Variants in RNF7 observed in about 807,000 individuals in gnomAD.
RNF7 encodes RING-box protein 2.
A neutral mutation model predicts 17.0 loss-of-function variants in RNF7; 9 were observed. The ratio of observed to expected loss-of-function variants is 0.53; its 90% CI spans 0.32 to 0.92. The LOEUF (loss-of-function observed/expected upper bound fraction) is 0.92, where lower values mean the gene tolerates loss of function less well. Ranked by LOEUF, RNF7 falls within the 40% of genes least tolerant of loss-of-function variation. The pLI is 0.04. For missense variants in RNF7, 87 were observed against 145.8 expected (o/e 0.60, Z 2.08); for synonymous variants, 59 against 50.5 (o/e 1.17, Z -0.72).
intron 1 of RNF7, among the ~76,000 whole-genome samples, chr3:141,740,433 G>A (rs2084404911): frequency 6.6e-6 from 1 of 152,122 alleles, no homozygotes; most frequent in African/African-American, 2.4e-5. Context: ...TTTAATGTAG[G>A]TCAAAGTATA....
At chr3:141,742,738 C>T (rs768758643) in intron 1 of RNF7, 4 of 1,280,092 alleles carry the variant, frequency 3.1e-6, no homozygotes, top group South Asian at 2.5e-5. Flanking sequence ...CCACAGCCCT[C>T]GCTGTCCCCT....
chr3:141,746,832 C>G lies in RNF7; in HGVS notation c.*1555C>G, dbSNP rs1004542756. 9 of 152,184 alleles carry G rather than the reference C, an allele frequency of 5.9e-5. No homozygotes were observed. The highest frequency in any genetic ancestry group is 1.3e-4 in the Non-Finnish European group (9 of 68,034). The allele number at this position is 152,184 out of a possible 1,614,324, so 9.4% of individuals were successfully genotyped here. ...GGGTTACTTTTTATTGATCACATTT[C>G]TCTGGAAATTTTTCTTTATATTTTT... On this transcript the variant is annotated 3_prime_UTR_variant, in exon 3 of 3. Transcript: ENST00000273480.
intron 1 of RNF7, chr3:141,742,839 C>G (rs1370966948): frequency 8.6e-7 from 1 of 1,165,674 alleles, no homozygotes; most frequent in East Asian, 7.4e-5. Flanking sequence ...TAGAGGAACT[C>G]TCAAGTGTCT....
chr3:141,742,781 GA>G, intron 1 of RNF7: 2 of 1,271,040 alleles, frequency 1.6e-6, no homozygotes, highest in Non-Finnish European at 2.0e-6. Flanking sequence ...GCCTTGTCTG[GA>G]TGACCATCGG....
Position 141,744,452 on chromosome 3 carries a change from C to T in RNF7, c.224-707C>T, listed in dbSNP as rs181007565. Among the ~76,000 whole-genome samples, 25 of 152,058 alleles carry T rather than the reference C, an allele frequency of 1.6e-4. 1 individual carries two copies. In the East Asian group the frequency reaches 4.6e-3, roughly 28 times the overall value. ...GCAAGGGACAGATGAATCCCAAATT[C>T]GAGATTGCATTCTAGATTGTGGATG... On this transcript the variant is annotated intron_variant, in intron 2 of 2. Transcript: ENST00000273480.
Position 141,738,301 on chromosome 3 carries a change from C to A in RNF7, c.-41C>A. ...CAGAGCCGCCCTAGCCTTCCGCCTTCCCCAAGCCAACGTCTCCGCCGTCGG... is the reference window on the plus strand; with the variant it reads ...CAGAGCCGCCCTAGCCTTCCGCCTTACCCAAGCCAACGTCTCCGCCGTCGG... On this transcript the variant is annotated 5_prime_UTR_variant, in exon 1 of 3. Coordinates refer to ENST00000273480, the MANE Select transcript of RNF7 (RefSeq NM_014245.5). The A allele has an allele frequency of 1.4e-6, 2 of 1,474,806 alleles. No homozygotes were observed. The highest frequency in any genetic ancestry group is 1.8e-6 in the Non-Finnish European group (2 of 1,102,366). The allele number at this position is 1,474,806 out of a possible 1,614,324, so 91.4% of individuals were successfully genotyped here.
chr3:141,742,629 G>T (rs1051304627), intron 1 of RNF7: 1 of 1,176,666 alleles, frequency 8.5e-7, no homozygotes, highest in African/African-American at 1.6e-5. Flanking sequence ...TCACAGTATT[G>T]TCCCTTTTTT....
Position 141,745,338 on chromosome 3 carries a change from T to C in RNF7, c.*61T>C. The C allele has an allele frequency of 8.8e-7, 1 of 1,139,786 alleles. No individual in the cohort carries two copies. The allele number at this position is 1,139,786 out of a possible 1,614,324, so 70.6% of individuals were successfully genotyped here. A position where few individuals can be genotyped will look rare whatever the true frequency, so the allele number is the denominator to read the frequency against. On this transcript the variant is annotated 3_prime_UTR_variant, in exon 3 of 3. Coordinates refer to ENST00000273480, the MANE Select transcript of RNF7 (RefSeq NM_014245.5). ...AGCCCTGGTGGATCTTGTAATCCAG[T>C]GCCCTACAAAGGCTAGAACACTACA... is the stretch of plus-strand genomic sequence containing the variant.
Position 141,743,562 on chromosome 3 carries a change from T to C in RNF7, c.223+6T>C. On this transcript the variant is annotated splice_donor_region_variant and intron_variant, in intron 2 of 2. Transcript: ENST00000273480. ...CAAACAAGAGGACTGTGTTGGTATG[T>C]TGTAATTTTGTTCTCTTGCTTTTTC... is the stretch of plus-strand genomic sequence containing the variant. The C allele has an allele frequency of 6.2e-7, 1 of 1,602,804 alleles. No individual in the cohort carries two copies. The highest frequency in any genetic ancestry group is 8.5e-7 in the Non-Finnish European group (1 of 1,174,976).
At position 141,746,587 on chromosome 3, in the gene RNF7, G is replaced by A. The variant is rs2084475803; in HGVS notation, c.*1310G>A. 1 of 152,106 alleles carries A rather than the reference G, an allele frequency of 6.6e-6. No individual in the cohort carries two copies. The highest frequency in any genetic ancestry group is 1.5e-5 in the Non-Finnish European group (1 of 67,988). 9.4% of individuals were successfully genotyped at this position (152,106 alleles called of 1,614,324 possible). A position where few individuals can be genotyped will look rare whatever the true frequency, so the allele number is the denominator to read the frequency against. On this transcript the variant is annotated 3_prime_UTR_variant, in exon 3 of 3. Coordinates refer to ENST00000273480, the MANE Select transcript of RNF7 (RefSeq NM_014245.5). ...TCAAACTGATTCACACTGAGGGGAGGTTATTTTGTAACAAATAATGGACCA... is the reference window on the plus strand; with the variant it reads ...TCAAACTGATTCACACTGAGGGGAGATTATTTTGTAACAAATAATGGACCA...
At chr3:141,744,652 C>T (rs1347271954) in intron 2 of RNF7, among the ~76,000 whole-genome samples, 2 of 152,206 alleles carry the variant, frequency 1.3e-5, no homozygotes, top group African/African-American at 2.4e-5. Context: ...TGACTTAACA[C>T]AATTCATCAC....
In RNF7 at chr3:141,738,300, T is replaced by G; in HGVS notation, c.-42T>G. On this transcript the variant is annotated 5_prime_UTR_variant, in exon 1 of 3. Coordinates refer to ENST00000273480, the MANE Select transcript of RNF7 (RefSeq NM_014245.5). The stretch of plus-strand genomic sequence containing the variant: ...ACAGAGCCGCCCTAGCCTTCCGCCT[T>G]CCCCAAGCCAACGTCTCCGCCGTCG... 1 of 1,462,406 alleles carries G rather than the reference T, an allele frequency of 6.8e-7. No homozygotes were observed. Among genetic ancestry groups the G allele is most frequent in the Non-Finnish European group, 9.1e-7 (1 of 1,095,370 alleles). The allele number at this position is 1,462,406 out of a possible 1,614,324, so 90.6% of individuals were successfully genotyped here.
intron 1 of RNF7, among the ~76,000 whole-genome samples, chr3:141,739,111 G>C (rs1260182417): frequency 6.6e-6 from 1 of 152,220 alleles, no homozygotes. Flanking sequence ...TTTAAATCTG[G>C]ATTGATTTAA....
chr3:141,740,770 TG>T (rs1270889674), intron 1 of RNF7, among the ~76,000 whole-genome samples: 1 of 152,228 alleles, frequency 6.6e-6, no homozygotes, highest in East Asian at 1.9e-4. Flanking sequence ...TAGGAATTTG[TG>T]TAGATTTGGG....
At chr3:141,742,871 G>T (rs1316824957) in intron 1 of RNF7, 31 of 1,100,654 alleles carry the variant, frequency 2.8e-5, no homozygotes, top group South Asian at 8.3e-5. Context: ...GTAAAAAGTT[G>T]CTTCTTATGA....
intron 2 of RNF7, 51 bp from the exon 3 acceptor site, chr3:141,745,108 A>G: frequency 9.5e-6 from 11 of 1,153,648 alleles, no homozygotes; most frequent in South Asian, 5.5e-5. Flanking sequence ...TTTTGAGTTC[A>G]GTGTTTAAAT....
rs895278278 is a variant in RNF7 at position 141,745,312 on chromosome 3, G to A, written c.*35G>A. 2 of 1,390,916 alleles carry A rather than the reference G, an allele frequency of 1.4e-6. No individual in the cohort carries two copies. Among genetic ancestry groups the A allele is most frequent in the Non-Finnish European group, 2.0e-6 (2 of 981,104 alleles). The allele number at this position is 1,390,916 out of a possible 1,614,324, so 86.2% of individuals were successfully genotyped here. A position where few individuals can be genotyped will look rare whatever the true frequency, so the allele number is the denominator to read the frequency against. On this transcript the variant is annotated 3_prime_UTR_variant, in exon 3 of 3. Coordinates refer to ENST00000273480, the MANE Select transcript of RNF7 (RefSeq NM_014245.5). The stretch of plus-strand genomic sequence containing the variant: ...GAAGGCTTCTTAGCGCAGTTGTTCA[G>A]AGCCCTGGTGGATCTTGTAATCCAG...
intron 1 of RNF7, among the ~76,000 whole-genome samples, chr3:141,740,658 C>A (rs997402611): frequency 6.6e-6 from 1 of 152,114 alleles, no homozygotes; most frequent in African/African-American, 2.4e-5. Context: ...TAGTCCTTAC[C>A]CTAGCATCAT....
At position 141,745,450 on chromosome 3, in the gene RNF7, T is replaced by C. The variant is rs989327486; in HGVS notation, c.*173T>C. On this transcript the variant is annotated 3_prime_UTR_variant, in exon 3 of 3. Transcript: ENST00000273480. ...TTGGTTTAGCATTTTGTCAGTTTTATCTTCAGAAATTCTCTGCGATTAAGA... is the reference window on the plus strand; with the variant it reads ...TTGGTTTAGCATTTTGTCAGTTTTACCTTCAGAAATTCTCTGCGATTAAGA... 1 of 442,600 alleles carries C rather than the reference T, an allele frequency of 2.3e-6. No homozygotes were observed. Among genetic ancestry groups the C allele is most frequent in the African/African-American group, 2.0e-5 (1 of 49,258 alleles). The allele number at this position is 442,600 out of a possible 1,614,324, so 27.4% of individuals were successfully genotyped here.
Sources: gnomAD v4.1 joint callset for allele counts (sites outside exome capture counted in the v4.1 genomes callset) on GRCh38, gnomAD v4.1.1 for gene constraint, MANE v1.5 for transcripts, NCBI Gene and HGNC (gene_info 2026-07-23, HGNC 2026-07-21) for gene names.